The following VPS53 variants were observed in gnomAD, a reference collection of about 807,000 sequenced individuals.
VPS53 encodes the protein VPS53 subunit of GARP complex.
VPS53 carries 70 observed loss-of-function variants against 107.0 expected under a neutral mutation model. The observed-to-expected ratio is 0.65, with a 90% CI of 0.54 to 0.80. The LOEUF (loss-of-function observed/expected upper bound fraction) is 0.80. Ranked by LOEUF, VPS53 falls within the 30% of genes least tolerant of loss-of-function variation. The pLI is 0.00. For missense variants in VPS53, 917 were observed against 1,049.4 expected (o/e 0.87, Z 1.74); for synonymous variants, 409 against 393.3 (o/e 1.04, Z -0.47).
intron 11 of VPS53, among the ~76,000 whole-genome samples, chr17:602,409 C>T (rs560794774): frequency 3.0e-4 from 45 of 152,278 alleles, no homozygotes; most frequent in African/African-American, 1.0e-3. Context: ...TGGATTTCAA[C>T]GCAAGAACAA....
chr17:544,511 G>A (rs896302727), intron 17 of VPS53, among the ~76,000 whole-genome samples: 1 of 152,148 alleles, frequency 6.6e-6, no homozygotes, highest in Admixed American at 6.5e-5. Context: ...CCACAATCCT[G>A]CATAAAGAGG....
At chr17:635,978 T>C (rs1404302250) in intron 7 of VPS53, among the ~76,000 whole-genome samples, 1 of 152,332 alleles carries the variant, frequency 6.6e-6, no homozygotes, top group South Asian at 2.1e-4. Flanking sequence ...ATCTATAAAT[T>C]ACCTTGGGCA....
intron 4 of VPS53, chr17:685,182 G>A (rs912007271): frequency 1.3e-5 from 2 of 152,168 alleles, no homozygotes; most frequent in African/African-American, 4.8e-5. Flanking sequence ...AGCCAGGAAG[G>A]GAAGACTGCA....
chr17:612,724 C>T (rs1181663036), intron 11 of VPS53, among the ~76,000 whole-genome samples: 1 of 134,420 alleles, frequency 7.4e-6, no homozygotes, highest in Admixed American at 7.4e-5. Context: ...TCACATAGTT[C>T]ACACAGCGAA....
At chr17:593,357 T>C (rs1345493499) in intron 12 of VPS53, among the ~76,000 whole-genome samples, 6 of 152,046 alleles carry the variant, frequency 3.9e-5, no homozygotes, top group Non-Finnish European at 7.3e-5. Context: ...GAAACTACCA[T>C]CAGAGTGAAC....
chr17:650,450 C>T (rs890194678), intron 7 of VPS53, among the ~76,000 whole-genome samples: 24 of 151,936 alleles, frequency 1.6e-4, no homozygotes, highest in Non-Finnish European at 2.6e-4. Context: ...TGAGCTATGA[C>T]CACGCCACTG....
At chr17:627,450 GCTAC>G in intron 9 of VPS53, 134 bp from the exon 10 acceptor site, 1 of 1,202,070 alleles carries the variant, frequency 8.3e-7, no homozygotes, top group Non-Finnish European at 1.1e-6. Context: ...AAGAATCTAG[GCTAC>G]CTTTTTAACT....
intron 14 of VPS53, 21 bp from the exon 15 acceptor site, chr17:560,594 C>A (rs1447824796): frequency 6.8e-6 from 11 of 1,606,828 alleles, no homozygotes; most frequent in Non-Finnish European, 7.7e-6. Flanking sequence ...GGAACAGGAA[C>A]AAGTCAGCAT....
chr17:708,504 T>C (rs61100525), intron 2 of VPS53, among the ~76,000 whole-genome samples: 14,984 of 152,246 alleles, frequency 0.098, 821 homozygotes, highest in East Asian at 0.21. Context: ...ACCAGGAGCA[T>C]GACCACTGAA....
intron 4 of VPS53, among the ~76,000 whole-genome samples, chr17:686,036 T>G (rs1038613509): frequency 4.0e-5 from 6 of 150,846 alleles, no homozygotes; most frequent in Non-Finnish European, 8.8e-5. Context: ...AGAAGAGAAT[T>G]GGCTGGTTGC....
chr17:591,711 A>G (rs1967665523), intron 12 of VPS53, among the ~76,000 whole-genome samples: 1 of 152,102 alleles, frequency 6.6e-6, no homozygotes, highest in Non-Finnish European at 1.5e-5. Context: ...CTTAATCCAG[A>G]GTTCTAGTTT....
At chr17:646,960 A>G (rs1209276850) in intron 7 of VPS53, among the ~76,000 whole-genome samples, 1 of 152,264 alleles carries the variant, frequency 6.6e-6, no homozygotes, top group Non-Finnish European at 1.5e-5. Flanking sequence ...AATCCACTAG[A>G]CTTTTACAAA....
In VPS53 at chr17:608,622, CT is replaced by C. The variant is rs912296562; in HGVS notation, c.1117-6727del. On this transcript the variant is annotated intron_variant, in intron 11 of 21. Transcript: ENST00000437048. Reference sequence around the variant, plus strand: ...CTGCTTTTTTCTTTTCTTTTCTTTTCTTTTTTTTTTTGAAACAGAGCCTCAC... The same window carrying C: ...CTGCTTTTTTCTTTTCTTTTCTTTTCTTTTTTTTTTGAAACAGAGCCTCAC... Among the ~76,000 whole-genome samples, 3 of 138,034 alleles carry C rather than the reference CT, an allele frequency of 2.2e-5. No individual in the cohort carries two copies. The East Asian group carries it at 6.3e-4, about 29-fold the overall frequency. 90.6% of individuals were successfully genotyped at this position (138,034 alleles called of 152,430 possible).
chr17:684,457 T>C (rs1159123095), intron 4 of VPS53, among the ~76,000 whole-genome samples: 3 of 152,206 alleles, frequency 2.0e-5, no homozygotes, highest in African/African-American at 4.8e-5. Context: ...TTTATAATCA[T>C]ACCAAAAACC....
At chr17:679,418 G>A (rs1004135946) in intron 4 of VPS53, among the ~76,000 whole-genome samples, 2 of 152,118 alleles carry the variant, frequency 1.3e-5, no homozygotes, top group Non-Finnish European at 2.9e-5. Context: ...GGAGGCTGAG[G>A]CGGGAGAATC....
At position 518,984 on chromosome 17, in the gene VPS53, G is replaced by A. The variant is rs190303190; in HGVS notation, c.*144C>T. The A allele has an allele frequency of 2.1e-4, 192 of 905,606 alleles. 2 individuals are homozygous for A. The African/African-American group carries it at 3.1e-3, about 15-fold the overall frequency. 56.1% of individuals were successfully genotyped at this position (905,606 alleles called of 1,614,324 possible). On this transcript the variant is annotated 3_prime_UTR_variant, in exon 22 of 22. Transcript: ENST00000437048. ...GGGCAGGAAGTAAGACAGGGCATGG[G>A]AGAGACTCAGTAACAACCCACATGT...
chr17:579,409 C>T (rs1256370923), intron 13 of VPS53, among the ~76,000 whole-genome samples: 1 of 151,456 alleles, frequency 6.6e-6, no homozygotes, highest in Non-Finnish European at 1.5e-5. Context: ...TACCGGAGAA[C>T]CACCCTCAGG....
chr17:619,320 C>T (rs377231233), intron 11 of VPS53, among the ~76,000 whole-genome samples: 15 of 145,708 alleles, frequency 1.0e-4, no homozygotes, highest in Middle Eastern at 4.2e-3. Flanking sequence ...TACAGGCGCG[C>T]ACCACCACGC....
chr17:549,050 T>A lies in VPS53; in HGVS notation c.1866+2822A>T, dbSNP rs370321850. Among the ~76,000 whole-genome samples the A allele has an allele frequency of 1.6e-4, 25 of 152,322 alleles. No individual in the cohort carries two copies. The East Asian group carries it at 4.1e-3, about 25-fold the overall frequency. ...CTGGGTATTGCTGTCATCTTACACA[T>A]CTCTTGCCCTCAGCTACTGGAATCT... On this transcript the variant is annotated intron_variant, in intron 17 of 21. Coordinates refer to ENST00000437048, the MANE Select transcript of VPS53 (RefSeq NM_001128159.3).
Sources: gnomAD v4.1 joint callset for allele counts (sites outside exome capture counted in the v4.1 genomes callset) on GRCh38, gnomAD v4.1.1 for gene constraint, MANE v1.5 for transcripts, NCBI Gene and HGNC (gene_info 2026-07-23, HGNC 2026-07-21) for gene names.